The following HNF4A variants were observed in gnomAD, a reference collection of about 807,000 sequenced individuals.
HNF4A encodes the protein hepatocyte nuclear factor 4 alpha.
A neutral mutation model predicts 52.4 loss-of-function variants in HNF4A; 15 were observed. The ratio of observed to expected loss-of-function variants is 0.29; its 90% CI spans 0.19 to 0.44. HNF4A has a LOEUF of 0.44. Ranked by LOEUF, HNF4A falls within the 20% of genes least tolerant of loss-of-function variation. The probability of loss-of-function intolerance (pLI) is 1.00; values close to 1 mark genes in which losing one functional copy is unlikely to be tolerated. For missense variants in HNF4A, 479 were observed against 647.2 expected (o/e 0.74, Z 2.82); for synonymous variants, 280 against 264.4 (o/e 1.06, Z -0.57).
At chr20:44,401,499 C>T in intron 1 of HNF4A, 2 of 1,614,116 alleles carry the variant, frequency 1.2e-6, no homozygotes, top group Non-Finnish European at 1.7e-6. Flanking sequence ...TAGGTGGGGG[C>T]AGATGTGCCC....
In HNF4A at chr20:44,407,241, G is replaced by A. The variant is rs2063513937; in HGVS notation, c.291-140G>A. 6 of 722,432 alleles carry A rather than the reference G, an allele frequency of 8.3e-6. 1 individual carries two copies. The African/African-American group carries it at 8.7e-5, about 10-fold the overall frequency. The allele number at this position is 722,432 out of a possible 1,614,324, so 44.8% of individuals were successfully genotyped here. ...GTTCATAGCACCTTTCCAGCTCCTGGTGGGTTCAAGAGAGAACTCCCGGGA... is the reference window on the plus strand; with the variant it reads ...GTTCATAGCACCTTTCCAGCTCCTGATGGGTTCAAGAGAGAACTCCCGGGA... On this transcript the variant is annotated intron_variant, in intron 2 of 9. Transcript: ENST00000316099.
intron 1 of HNF4A, among the ~76,000 whole-genome samples, chr20:44,374,883 G>GGTTCTGTTTT (rs1448434409): frequency 6.6e-6 from 1 of 152,174 alleles, no homozygotes; most frequent in Admixed American, 6.5e-5. Flanking sequence ...ATTGAATGGT[G>GGTTCTGTTTT]GTTCTGTTTT....
chr20:44,427,347 C>T (rs2063825564), intron 8 of HNF4A, among the ~76,000 whole-genome samples: 2 of 152,196 alleles, frequency 1.3e-5, no homozygotes, highest in Non-Finnish European at 1.5e-5. Flanking sequence ...TCAGTTGTCT[C>T]ATCTGTAGAA....
chr20:44,366,573 A>G (rs1200480069), intron 1 of HNF4A, among the ~76,000 whole-genome samples: 2 of 152,148 alleles, frequency 1.3e-5, no homozygotes, highest in East Asian at 3.9e-4. Context: ...GTGAGCCAAG[A>G]TCACGCCACT....
At chr20:44,357,259 T>A (rs1377209682) in intron 1 of HNF4A, among the ~76,000 whole-genome samples, 1 of 152,164 alleles carries the variant, frequency 6.6e-6, no homozygotes, top group Non-Finnish European at 1.5e-5. Context: ...ACATTTCCCC[T>A]CTCTGAACCT....
upstream of HNF4A, among the ~76,000 whole-genome samples, chr20:44,399,830 A>G (rs1324558426): frequency 6.6e-6 from 1 of 151,726 alleles, no homozygotes. Context: ...TCCCCCACAC[A>G]CTCACTCATT....
chr20:44,422,527 C>T (rs2063760182), intron 7 of HNF4A, among the ~76,000 whole-genome samples: 1 of 152,008 alleles, frequency 6.6e-6, no homozygotes, highest in African/African-American at 2.4e-5. Context: ...GCATTACCTC[C>T]ATGAAGGTTG....
intron 1 of HNF4A, among the ~76,000 whole-genome samples, chr20:44,393,499 G>T (rs1298014830): frequency 1.3e-5 from 2 of 152,194 alleles, no homozygotes; most frequent in East Asian, 1.9e-4. Context: ...GGAGTTAGAG[G>T]CACAGACTCT....
chr20:44,381,245 G>A (rs1209573286), intron 1 of HNF4A, among the ~76,000 whole-genome samples: 1 of 148,868 alleles, frequency 6.7e-6, no homozygotes, highest in South Asian at 2.1e-4. Context: ...TTTGGTCCTC[G>A]TTCATTCTCT....
intron 1 of HNF4A, among the ~76,000 whole-genome samples, chr20:44,371,924 A>C (rs2146208369): frequency 6.6e-6 from 1 of 152,360 alleles, no homozygotes; most frequent in Non-Finnish European, 1.5e-5. Context: ...GAGCCACTTT[A>C]GATTCTCATG....
At chr20:44,395,598 TC>T (rs1422570842) in intron 1 of HNF4A, 1 of 152,120 alleles carries the variant, frequency 6.6e-6, no homozygotes, top group Non-Finnish European at 1.5e-5. Flanking sequence ...AGACCCCCTG[TC>T]CCTGGACCTT....
chr20:44,417,405 T>G (rs3212199), intron 5 of HNF4A, among the ~76,000 whole-genome samples: 83,372 of 151,890 alleles, frequency 0.55, 23,242 homozygotes, highest in Middle Eastern at 0.67. Context: ...CTGCAGAGAA[T>G]GGTTTCATCA....
upstream of HNF4A, chr20:44,401,185 C>A: frequency 6.8e-7 from 1 of 1,473,046 alleles, no homozygotes; most frequent in South Asian, 1.4e-5. Flanking sequence ...TAACCCCCAC[C>A]CCTCCCCGGC....
At chr20:44,378,932 A>G (rs1316687061) in intron 1 of HNF4A, among the ~76,000 whole-genome samples, 1 of 150,978 alleles carries the variant, frequency 6.6e-6, no homozygotes, top group African/African-American at 2.4e-5. Flanking sequence ...AAAAAAAAAA[A>G]AAGAAAAGAA....
At position 44,358,932 on chromosome 20, in the gene HNF4A, G is replaced by A. The variant is rs576763868; in HGVS notation, c.49+3079G>A. On this transcript the variant is annotated intron_variant, in intron 1 of 9. Coordinates refer to the HNF4A transcript ENST00000316673. ...GCTCTTTGGTGTGGTGATGCTGGGT[G>A]GACTTGGCCCTCCCTGGACTTCCGG... 2.0e-5 allele frequency among the ~76,000 whole-genome samples: 3 copies of A among 152,276 alleles called. No homozygotes were observed. The East Asian group carries it at 5.8e-4, about 29-fold the overall frequency.
intron 1 of HNF4A, among the ~76,000 whole-genome samples, chr20:44,370,306 C>T (rs1199642931): frequency 2.6e-5 from 4 of 152,230 alleles, no homozygotes; most frequent in Non-Finnish European, 4.4e-5. Context: ...GGATTACAGG[C>T]GTGAGCCACA....
intron 7 of HNF4A, among the ~76,000 whole-genome samples, chr20:44,423,618 T>C (rs2063777091): frequency 6.6e-6 from 1 of 152,220 alleles, no homozygotes; most frequent in African/African-American, 2.4e-5. Context: ...ACCTCAACTG[T>C]GGCCCAAAAC....
chr20:44,367,432 T>G (rs1600636706), intron 1 of HNF4A, among the ~76,000 whole-genome samples: 2 of 145,852 alleles, frequency 1.4e-5, no homozygotes, highest in Non-Finnish European at 3.0e-5. Context: ...GATCATGAGG[T>G]CAAGAGATTG....
chr20:44,427,349 T>C (rs2063825585), intron 8 of HNF4A, among the ~76,000 whole-genome samples: 1 of 152,226 alleles, frequency 6.6e-6, no homozygotes, highest in Non-Finnish European at 1.5e-5. Flanking sequence ...AGTTGTCTCA[T>C]CTGTAGAATG....
Sources: allele counts gnomAD v4.1 joint callset (sites outside exome capture counted in the v4.1 genomes callset), GRCh38; gene constraint gnomAD v4.1.1; transcripts MANE v1.5; gene names NCBI Gene and HGNC (gene_info 2026-07-23, HGNC 2026-07-21).